Variants in MICU3 observed in about 807,000 individuals in gnomAD.
MICU3 encodes the protein mitochondrial calcium uptake 3, also known as calcium uptake protein 3, mitochondrial.
Under a neutral mutation model 66.5 loss-of-function variants are expected in MICU3, and 62 were observed. The ratio of observed to expected loss-of-function variants is 0.93; its 90% confidence interval spans 0.76 to 1.15. The LOEUF is 1.15. Ranked by LOEUF, MICU3 falls within the 50% of genes most tolerant of loss-of-function variation. MICU3 has a pLI of 0.00. For missense variants in MICU3, 779 were observed against 664.4 expected (o/e 1.17, Z -1.90); for synonymous variants, 308 against 240.7 (o/e 1.28, Z -2.59).
In MICU3 at chr8:17,110,149, A is replaced by C. The variant is rs372242650; in HGVS notation, c.1258-3944A>C. ...ATACACTTGAAAGCCTCATAAGACC[A>C]TGTTTTCTGAACGTCTGTTTGTATT... On this transcript the variant is annotated intron_variant, in intron 11 of 14. Coordinates refer to ENST00000318063, the MANE Select transcript of MICU3 (RefSeq NM_181723.3). 2.0e-5 allele frequency among the ~76,000 whole-genome samples: 3 copies of C among 152,264 alleles called. No homozygotes were observed. The East Asian group carries it at 5.8e-4, about 29-fold the overall frequency.
rs140753097 is a variant in MICU3, at chr8:17,111,119, T to C, written c.1258-2974T>C. ...GGGAGTAATTATATTCAGCATCTTT[T>C]TATATGCTTATTGGCCATTTCTTTG... On this transcript the variant is annotated intron_variant, in intron 11 of 14. Coordinates refer to ENST00000318063, the MANE Select transcript of MICU3 (RefSeq NM_181723.3). Among the ~76,000 whole-genome samples the C allele has an allele frequency of 2.2e-3, 335 of 152,292 alleles. 7 individuals carry two copies. Among genetic ancestry groups the C allele is most frequent in the African/African-American group, 7.6e-3 (317 of 41,570 alleles).
chr8:17,033,881 T>C (rs531925090), intron 1 of MICU3, among the ~76,000 whole-genome samples: 1 of 152,304 alleles, frequency 6.6e-6, no homozygotes, highest in African/African-American at 2.4e-5. Context: ...AATGATGATG[T>C]GCAGGGGGTA....
intron 1 of MICU3, among the ~76,000 whole-genome samples, chr8:17,055,903 G>A (rs577127721): frequency 6.6e-6 from 1 of 152,282 alleles, no homozygotes; most frequent in South Asian, 2.1e-4. Context: ...GAAGGGAGAT[G>A]ATCGTTTTTG....
At chr8:17,130,425 AG>A in the MICU3 span, among the ~76,000 whole-genome samples, 1 of 152,124 alleles carries the variant, frequency 6.6e-6, no homozygotes, top group African/African-American at 2.4e-5. Context: ...CAGGAGGCCA[AG>A]GCAGAAGAAT....
intron 1 of MICU3, chr8:17,049,725 A>G: frequency 2.0e-6 from 1 of 492,366 alleles, no homozygotes; most frequent in Non-Finnish European, 4.0e-6. Flanking sequence ...CTGGTCCCAG[A>G]CCCATTTGCT....
chr8:17,134,475 C>T, the MICU3 span, among the ~76,000 whole-genome samples: 1 of 151,224 alleles, frequency 6.6e-6, no homozygotes, highest in Admixed American at 6.6e-5. Context: ...GACAGAGCCT[C>T]ACTCTGTCAC....
intron 9 of MICU3, among the ~76,000 whole-genome samples, chr8:17,102,119 G>C (rs1161025304): frequency 6.6e-6 from 1 of 151,744 alleles, no homozygotes. Flanking sequence ...GCTCACCACA[G>C]TACTGGCTAT....
At chr8:17,129,639 G>A in the MICU3 span, among the ~76,000 whole-genome samples, 1 of 152,076 alleles carries the variant, frequency 6.6e-6, no homozygotes, top group Non-Finnish European at 1.5e-5. Context: ...GAAAAGAATA[G>A]CACCTCAGTG....
downstream of MICU3, among the ~76,000 whole-genome samples, chr8:17,125,499 A>G (rs1375374399): frequency 6.6e-6 from 1 of 152,106 alleles, no homozygotes; most frequent in African/African-American, 2.4e-5. Flanking sequence ...TGTGGCTGAG[A>G]TGAGCTTTTG....
intron 13 of MICU3, among the ~76,000 whole-genome samples, chr8:17,117,236 C>T (rs897888542): frequency 2.0e-4 from 31 of 152,204 alleles, no homozygotes; most frequent in Non-Finnish European, 3.7e-4. Context: ...CCTTGACCTC[C>T]CAAAGTGCTA....
At chr8:17,119,549 ATAGATAG>A (rs1280088436) in intron 14 of MICU3, among the ~76,000 whole-genome samples, 5 of 146,680 alleles carry the variant, frequency 3.4e-5, no homozygotes, top group African/African-American at 1.3e-4. Flanking sequence ...AGATAGATAG[ATAGATAG>A]ATAGATAGAT....
intron 1 of MICU3, among the ~76,000 whole-genome samples, chr8:17,043,611 G>C (rs1814581780): frequency 6.6e-6 from 1 of 152,192 alleles, no homozygotes; most frequent in South Asian, 2.1e-4. Context: ...ACCTCCTCCA[G>C]ACTGCTTTCT....
At chr8:17,096,590 A>T (rs1800718571) in intron 8 of MICU3, among the ~76,000 whole-genome samples, 1 of 151,820 alleles carries the variant, frequency 6.6e-6, no homozygotes, top group African/African-American at 2.4e-5. Flanking sequence ...GAAACTTTAT[A>T]ATTATTTAAA....
intron 11 of MICU3, among the ~76,000 whole-genome samples, chr8:17,108,052 A>T (rs1333476488): frequency 1.3e-5 from 2 of 152,130 alleles, no homozygotes; most frequent in Non-Finnish European, 2.9e-5. Flanking sequence ...AGTAGAGCTG[A>T]TAGTACCTGT....
At chr8:17,076,786 G>A (rs1364012011) in intron 3 of MICU3, among the ~76,000 whole-genome samples, 1 of 152,194 alleles carries the variant, frequency 6.6e-6, no homozygotes, top group East Asian at 1.9e-4. Flanking sequence ...GTAGGTCTGG[G>A]ATGGGCACTG....
chr8:17,124,380 T>C (rs1453798208), downstream of MICU3, among the ~76,000 whole-genome samples: 1 of 152,200 alleles, frequency 6.6e-6, no homozygotes, highest in Admixed American at 6.6e-5. Flanking sequence ...TATTTAGTTA[T>C]AATTAACTTC....
intron 13 of MICU3, 106 bp downstream of exon 13, chr8:17,116,706 C>A: frequency 1.2e-6 from 1 of 825,188 alleles, no homozygotes; most frequent in East Asian, 3.1e-5. Flanking sequence ...AGGATATAAA[C>A]ATGAATGCTT....
chr8:17,035,676 G>A (rs1312331536), intron 1 of MICU3, among the ~76,000 whole-genome samples: 1 of 152,196 alleles, frequency 6.6e-6, no homozygotes, highest in Non-Finnish European at 1.5e-5. Flanking sequence ...TGACTTGGGT[G>A]ATGTTAAAGG....
the MICU3 span, among the ~76,000 whole-genome samples, chr8:17,135,556 AT>A: frequency 6.6e-6 from 1 of 152,076 alleles, no homozygotes; most frequent in Non-Finnish European, 1.5e-5. Flanking sequence ...GGGCAGTCAT[AT>A]TACATGCAAA....
Sources: allele counts gnomAD v4.1 joint callset (sites outside exome capture counted in the v4.1 genomes callset), GRCh38; gene constraint gnomAD v4.1.1; transcripts MANE v1.5; gene names NCBI Gene and HGNC (gene_info 2026-07-23, HGNC 2026-07-21).